PRKAG3: variants seen among roughly 807,000 people sequenced by gnomAD.
PRKAG3 encodes 5'-AMP-activated protein kinase subunit gamma-3.
PRKAG3 carries 39 observed loss-of-function variants against 56.5 expected under a neutral mutation model. That is an observed-to-expected ratio of 0.69 (90% CI 0.53 to 0.90). PRKAG3 has a LOEUF of 0.90. Ranked by LOEUF, PRKAG3 falls within the 40% of genes least tolerant of loss-of-function variation. The pLI, the probability that PRKAG3 is intolerant of heterozygous loss-of-function variation, is 0.00. For synonymous variants in PRKAG3, 243 were observed against 250.1 expected, an observed-to-expected ratio of 0.97 and a Z score of 0.27; for missense variants, 628 against 627.5, an observed-to-expected ratio of 1.00 and a Z score of -0.01.
exon 13 of PRKAG3, chr2:218,823,606 A>C: frequency 2.0e-6 from 3 of 1,493,028 alleles, no homozygotes; most frequent in Non-Finnish European, 2.7e-6. Flanking sequence ...GAAATCAGGA[A>C]GACTAAGAGG....
chr2:218,830,765 C>T (rs575147530), exon 3 of PRKAG3: 47 of 1,612,536 alleles, frequency 2.9e-5, no homozygotes, highest in East Asian at 1.3e-4. Flanking sequence ...GACCTGGTGG[C>T]TCCCCTTCCT....
chr2:218,822,941 G>A, downstream of PRKAG3: 2 of 985,742 alleles, frequency 2.0e-6, no homozygotes, highest in Non-Finnish European at 2.4e-6. Flanking sequence ...GGTAATCCTA[G>A]TGCCTCTGGT....
chr2:218,827,610 G>A lies in PRKAG3; in HGVS notation c.840C>T (p.Cys280=), dbSNP rs1294529658. The change falls in exon 8 of 13, where the codon TGC becomes TGT. Residue 280 remains cysteine, a synonymous_variant. Coordinates refer to ENST00000529249, the Ensembl canonical transcript of PRKAG3. This position sits in a 1 kb window ranked among gnomAD's most constrained non-coding sequence, Gnocchi z 5.3. ...GAGAGATGGAGACCAGAGGCTTGAA[G>A]CAGCCTTGCAGGTAGATCTCTGCAG... The A allele has an allele frequency of 6.2e-7, 1 of 1,613,998 alleles. No homozygotes were observed. The highest frequency in any genetic ancestry group is 8.5e-7 in the Non-Finnish European group (1 of 1,180,002).
chr2:218,825,296 A>G (rs1267035358), intron 10 of PRKAG3, among the ~76,000 whole-genome samples: 1 of 148,398 alleles, frequency 6.7e-6, no homozygotes, highest in African/African-American at 2.5e-5. Flanking sequence ...AGATTGCACC[A>G]TTGCATTCTA....
At position 218,823,631 on chromosome 2, in the gene PRKAG3, C is replaced by T; in HGVS notation, c.*131G>A. ...AGACTAAGAGGCTGGTGTCATGGCCCAGGGCAGAGCCTACCTGAATCATAG... is the reference window on the plus strand; with the variant it reads ...AGACTAAGAGGCTGGTGTCATGGCCTAGGGCAGAGCCTACCTGAATCATAG... On this transcript the variant is annotated 3_prime_UTR_variant, in exon 13 of 13. Coordinates refer to ENST00000529249, the Ensembl canonical transcript of PRKAG3. 6.3e-7 allele frequency: 1 copy of T among 1,580,230 alleles called. No individual in the cohort carries two copies.
intron 12 of PRKAG3, 128 bp downstream of exon 12, chr2:218,824,094 T>G: frequency 6.8e-7 from 1 of 1,465,336 alleles, no homozygotes; most frequent in South Asian, 1.2e-5. Flanking sequence ...CAGGCCAGTG[T>G]GGGCACCAGG....
rs145095554 is a variant in PRKAG3 at position 218,830,431 on chromosome 2, C to T, written c.230-50G>A. 50 of 1,568,488 alleles carry T rather than the reference C, an allele frequency of 3.2e-5. 1 individual carries two copies. Among genetic ancestry groups the T allele is most frequent in the Admixed American group, 1.9e-4 (11 of 56,982 alleles). On this transcript the variant is annotated intron_variant, in intron 3 of 12. Transcript: ENST00000529249. Reference sequence around the variant, plus strand: ...GACAGTAACTCCATCTTCCAAAGCACGTTCTCATCTGCTGTCGCCATTCAT... The same window carrying T: ...GACAGTAACTCCATCTTCCAAAGCATGTTCTCATCTGCTGTCGCCATTCAT...
chr2:218,824,529 C>A lies in PRKAG3; in HGVS notation c.1206+10G>T, dbSNP rs372051661. ...TCCCTGCAGCATCCCACCTTTCCAGCGACACTTACAATCACATCAAAGCGG... is the reference window on the plus strand; with the variant it reads ...TCCCTGCAGCATCCCACCTTTCCAGAGACACTTACAATCACATCAAAGCGG... On this transcript the variant is annotated intron_variant, in intron 11 of 12. Coordinates refer to ENST00000529249, the Ensembl canonical transcript of PRKAG3. 3.5e-5 allele frequency: 56 copies of A among 1,611,726 alleles called. No homozygotes were observed. The highest frequency in any genetic ancestry group is 2.7e-4 in the African/African-American group (20 of 74,968).
intron 5 of PRKAG3, among the ~76,000 whole-genome samples, chr2:218,828,316 C>T (rs572183984): frequency 2.0e-5 from 3 of 152,298 alleles, no homozygotes; most frequent in Admixed American, 6.5e-5. Context: ...CTGGTCATAG[C>T]GGCTCCACAG....
At chr2:218,825,742 T>A (rs1477852428) in intron 10 of PRKAG3, among the ~76,000 whole-genome samples, 1 of 151,314 alleles carries the variant, frequency 6.6e-6, no homozygotes, top group Non-Finnish European at 1.5e-5. Flanking sequence ...TTCATGGTTT[T>A]GTTTGGTGGT....
chr2:218,831,041 C>A (rs1047333646), intron 2 of PRKAG3, 140 bp from the exon 3 acceptor site: 44 of 1,111,934 alleles, frequency 4.0e-5, no homozygotes, highest in Middle Eastern at 5.7e-4. Flanking sequence ...CTTACAGCAG[C>A]CTTATAAAGC....
Position 218,827,211 on chromosome 2 carries a change from G to C in PRKAG3, c.1002+36C>G. The stretch of plus-strand genomic sequence containing the variant: ...CTCAGGCCCTCTGATCACCTGCCCA[G>C]GTCTCCCCCTTCCTCCCACCTGGGC... On this transcript the variant is annotated intron_variant, in intron 9 of 12. Transcript: ENST00000529249. The surrounding 1 kb of genome is among the most constrained non-coding windows in gnomAD (Gnocchi z 5.3). 6.2e-7 allele frequency: 1 copy of C among 1,614,008 alleles called. No individual in the cohort carries two copies. Among genetic ancestry groups the C allele is most frequent in the Non-Finnish European group, 8.5e-7 (1 of 1,179,944 alleles).
exon 12 of PRKAG3, chr2:218,824,322 C>T: frequency 1.2e-6 from 2 of 1,614,136 alleles, no homozygotes; most frequent in Non-Finnish European, 1.7e-6. Flanking sequence ...CAGGGCTTCT[C>T]CCACACTCAT....
chr2:218,823,334 G>T, exon 13 of PRKAG3: 1 of 256,594 alleles, frequency 3.9e-6, no homozygotes, highest in South Asian at 4.7e-5. Context: ...GATATAGCTT[G>T]CTTCCTTCTA....
rs563639271 is a variant in PRKAG3 at position 218,830,685 on chromosome 2, G to A, written c.229+61C>T. On this transcript the variant is annotated intron_variant, in intron 3 of 12. Transcript: ENST00000529249. ...GACCTGAGGTAGAGACCAGACCCAG[G>A]CTCCTCTGGGATTTCCCACTCCCCT... 2.4e-5 allele frequency: 38 copies of A among 1,571,752 alleles called. 1 individual carries two copies. Among genetic ancestry groups the A allele is most frequent in the Middle Eastern group, 4.7e-4 (2 of 4,278 alleles).
Position 218,828,513 on chromosome 2 carries a change from C to G in PRKAG3, c.715+6G>C. The G allele has an allele frequency of 3.1e-6, 5 of 1,612,326 alleles. No individual in the cohort carries two copies. Among genetic ancestry groups the G allele is most frequent in the Non-Finnish European group, 4.2e-6 (5 of 1,179,042 alleles). Reference sequence around the variant, plus strand: ...ATCTCCCTTCACCTCCCCAGCCTCTCCTCACCCACAAAGCTCTGCTTCTTG... The same window carrying G: ...ATCTCCCTTCACCTCCCCAGCCTCTGCTCACCCACAAAGCTCTGCTTCTTG... On this transcript the variant is annotated splice_donor_region_variant and intron_variant, in intron 5 of 12. Coordinates refer to ENST00000529249, the Ensembl canonical transcript of PRKAG3.
chr2:218,829,936 G>A, intron 4 of PRKAG3, 42 bp downstream of exon 4: 1 of 1,592,402 alleles, frequency 6.3e-7, no homozygotes, highest in South Asian at 1.1e-5. Flanking sequence ...AGCACCGTGT[G>A]GATGGAGAGT....
exon 12 of PRKAG3, chr2:218,824,282 G>T (rs1478455515): frequency 6.2e-7 from 1 of 1,614,018 alleles, no homozygotes; most frequent in Non-Finnish European, 8.5e-7. Context: ...GGCAGGAAAG[G>T]ACTCCCTCCA....
At chr2:218,831,245 C>T (rs557352640) in intron 2 of PRKAG3, 91 bp downstream of exon 2, 1 of 1,029,182 alleles carries the variant, frequency 9.7e-7, no homozygotes, top group Non-Finnish European at 1.4e-6. Flanking sequence ...AAGATAAAAG[C>T]CAGGCTGGGA....
Sources: gnomAD v4.1 joint callset for allele counts (sites outside exome capture counted in the v4.1 genomes callset) on GRCh38, gnomAD v4.1.1 for gene constraint, Gnocchi (gnomAD v3.1) non-coding constraint, MANE v1.5 for transcripts, NCBI Gene and HGNC (gene_info 2026-07-23, HGNC 2026-07-21) for gene names.